The following SNTG2 variants were observed in gnomAD, a reference collection of about 807,000 sequenced individuals.
SNTG2 encodes gamma-2-syntrophin.
A neutral mutation model predicts 70.9 loss-of-function variants in SNTG2; 74 were observed. The ratio of observed to expected loss-of-function variants is 1.04; its 90% confidence interval spans 0.86 to 1.27. SNTG2 has a LOEUF of 1.27. Among genes scored for constraint, SNTG2 ranks in the 50% most tolerant of loss-of-function variants. The probability of loss-of-function intolerance (pLI) is 0.00; values close to 1 mark genes in which losing one functional copy is unlikely to be tolerated. For missense variants in SNTG2, 717 were observed against 690.7 expected (o/e 1.04, Z -0.43); for synonymous variants, 278 against 273.8 (o/e 1.02, Z -0.15).
chr2:1,100,805 A>C (rs578181427), intron 4 of SNTG2, among the ~76,000 whole-genome samples: 1 of 152,310 alleles, frequency 6.6e-6, no homozygotes, highest in South Asian at 2.1e-4. Context: ...AGAAAAGAGA[A>C]TAAGACAGTA....
At chr2:1,040,613 A>G (rs1005756985) in intron 1 of SNTG2, among the ~76,000 whole-genome samples, 7 of 152,238 alleles carry the variant, frequency 4.6e-5, no homozygotes, top group Non-Finnish European at 1.0e-4. Context: ...CCTGTTGATA[A>G]TAGAAAAACT....
At chr2:1,070,102 T>G (rs141479900) in intron 1 of SNTG2, among the ~76,000 whole-genome samples, 1,838 of 151,670 alleles carry the variant, frequency 0.012, 100 homozygotes, top group Admixed American at 0.098. Flanking sequence ...TCGGTGCCAG[T>G]GAAGTGATGT....
At chr2:1,042,987 G>A (rs1465012517) in intron 1 of SNTG2, among the ~76,000 whole-genome samples, 1 of 152,158 alleles carries the variant, frequency 6.6e-6, no homozygotes, top group Non-Finnish European at 1.5e-5. Context: ...ATTCCCACCA[G>A]CAGTGTGTAC....
At chr2:1,123,696 A>G (rs1274792667) in intron 4 of SNTG2, among the ~76,000 whole-genome samples, 1 of 152,232 alleles carries the variant, frequency 6.6e-6, no homozygotes, top group African/African-American at 2.4e-5. Flanking sequence ...CAAAAGCACA[A>G]ATAGATAAAT....
intron 6 of SNTG2, among the ~76,000 whole-genome samples, chr2:1,149,192 C>CGT (rs1350793354): frequency 6.0e-4 from 1 of 1,670 alleles, no homozygotes; most frequent in African/African-American, 2.4e-3. Flanking sequence ...TCTTGTCGGA[C>CGT]GTGTGTGTGT....
At position 1,267,456 on chromosome 2, in the gene SNTG2, G is replaced by C; in HGVS notation, c.1169G>C (p.Ser390Thr). The C allele has an allele frequency of 1.2e-6, 2 of 1,613,604 alleles. No homozygotes were observed. The highest frequency in any genetic ancestry group is 1.7e-6 in the Non-Finnish European group (2 of 1,179,748). ...GAGGACCAGAGGCCCTATTGCTTCAGCATCGTGGCCGGCCATGGGAAGAGC... is the reference window on the plus strand; with the variant it reads ...GAGGACCAGAGGCCCTATTGCTTCACCATCGTGGCCGGCCATGGGAAGAGC... Reference protein sequence around the residue: ...DFEDQRPYCFSIVAGHGKSHV... With the variant: ...DFEDQRPYCFTIVAGHGKSHV... Residue 390 changes from serine to threonine, a missense_variant, in exon 14 of 17, where the codon AGC becomes ACC. Transcript: ENST00000308624.
At chr2:1,025,429 A>G (rs1489581374) in intron 1 of SNTG2, among the ~76,000 whole-genome samples, 3 of 152,140 alleles carry the variant, frequency 2.0e-5, no homozygotes, top group Non-Finnish European at 4.4e-5. Flanking sequence ...TTCGCTTCCC[A>G]TGGCTGCTGT....
At chr2:1,026,851 T>G (rs965364902) in intron 1 of SNTG2, among the ~76,000 whole-genome samples, 1 of 152,148 alleles carries the variant, frequency 6.6e-6, no homozygotes, top group South Asian at 2.1e-4. Context: ...CTCCTCCTTT[T>G]GCCTGTGGCC....
chr2:1,300,320 G>T (rs894368059), intron 14 of SNTG2, among the ~76,000 whole-genome samples: 2 of 152,246 alleles, frequency 1.3e-5, no homozygotes, highest in African/African-American at 4.8e-5. Context: ...CTTGGCTGAT[G>T]GTCTTCGTTA....
chr2:1,058,912 A>G (rs1350014954), intron 1 of SNTG2, among the ~76,000 whole-genome samples: 1 of 152,142 alleles, frequency 6.6e-6, no homozygotes, highest in Non-Finnish European at 1.5e-5. Context: ...GCCCTCTCTG[A>G]GATGGGCTGC....
intron 4 of SNTG2, among the ~76,000 whole-genome samples, chr2:1,124,790 G>C (rs547299557): frequency 3.3e-5 from 5 of 152,312 alleles, no homozygotes; most frequent in African/African-American, 1.2e-4. Context: ...GTGAGGAGAT[G>C]GTGGTGGGGA....
At chr2:1,228,129 G>A (rs865814498) in intron 9 of SNTG2, among the ~76,000 whole-genome samples, 3 of 152,190 alleles carry the variant, frequency 2.0e-5, no homozygotes, top group Non-Finnish European at 2.9e-5. Flanking sequence ...TGTCATTCCC[G>A]TGCACACTCA....
intron 6 of SNTG2, among the ~76,000 whole-genome samples, chr2:1,142,116 G>C (rs897999949): frequency 6.6e-6 from 1 of 152,200 alleles, no homozygotes; most frequent in Non-Finnish European, 1.5e-5. Flanking sequence ...CCCTGAAATT[G>C]ATTGAGAGCC....
chr2:1,341,544 A>T (rs994116761), intron 16 of SNTG2: 1 of 152,264 alleles, frequency 6.6e-6, no homozygotes, highest in Non-Finnish European at 1.5e-5. Context: ...ACAGGGGGAA[A>T]GTCTGGGCTT....
intron 14 of SNTG2, among the ~76,000 whole-genome samples, chr2:1,306,771 T>C (rs1680694847): frequency 6.6e-6 from 1 of 150,886 alleles, no homozygotes; most frequent in Non-Finnish European, 1.5e-5. Context: ...ATGTGCTGTG[T>C]GTCACCTGTG....
intron 6 of SNTG2, among the ~76,000 whole-genome samples, chr2:1,138,997 C>T (rs1243802478): frequency 1.3e-5 from 2 of 152,200 alleles, no homozygotes; most frequent in East Asian, 3.9e-4. Context: ...GTGTAGTTAT[C>T]GACCTCTAAT....
intron 14 of SNTG2, among the ~76,000 whole-genome samples, chr2:1,293,724 T>G (rs1329204758): frequency 6.6e-6 from 1 of 152,200 alleles, no homozygotes; most frequent in Non-Finnish European, 1.5e-5. Context: ...ATTGATAGAA[T>G]TTTAATCTTT....
intron 9 of SNTG2, among the ~76,000 whole-genome samples, chr2:1,211,389 T>C (rs1038864240): frequency 6.6e-6 from 1 of 152,228 alleles, no homozygotes; most frequent in Admixed American, 6.5e-5. Flanking sequence ...GTGATGAAGA[T>C]TGGCTGTTCT....
At chr2:1,036,134 G>A (rs752861860) in intron 1 of SNTG2, among the ~76,000 whole-genome samples, 1 of 152,096 alleles carries the variant, frequency 6.6e-6, no homozygotes, top group Non-Finnish European at 1.5e-5. Flanking sequence ...ATTAGCATCA[G>A]CTTCTGCTGA....
Sources: allele counts gnomAD v4.1 joint callset (sites outside exome capture counted in the v4.1 genomes callset), GRCh38; gene constraint gnomAD v4.1.1; transcripts MANE v1.5; gene names NCBI Gene and HGNC (gene_info 2026-07-23, HGNC 2026-07-21).